ELF2: variants seen among roughly 807,000 people sequenced by gnomAD.
ELF2 encodes the protein ETS-related transcription factor Elf-2.
Under a neutral mutation model 54.8 loss-of-function variants are expected in ELF2, and 11 were observed. That is an observed-to-expected ratio of 0.20 (90% CI 0.13 to 0.33). The LOEUF (loss-of-function observed/expected upper bound fraction) is 0.33. ELF2 is among the 10% of genes least tolerant of loss of function. The pLI is 1.00. For missense variants in ELF2, 513 were observed against 703.0 expected, an observed-to-expected ratio of 0.73 and a Z score of 3.06; for synonymous variants, 203 against 245.1, an observed-to-expected ratio of 0.83 and a Z score of 1.61.
intron 4 of ELF2, among the ~76,000 whole-genome samples, chr4:139,124,544 CCTT>C (rs1401846987): frequency 3.9e-5 from 6 of 152,120 alleles, no homozygotes; most frequent in African/African-American, 1.4e-4. Flanking sequence ...TCACTACAAT[CCTT>C]CTGATAAAAT....
At chr4:139,177,861 ACTC>A (rs1743135775), upstream of ELF2, among the ~76,000 whole-genome samples, 1 of 150,682 alleles carries the variant, frequency 6.6e-6, no homozygotes, top group Non-Finnish European at 1.5e-5. Flanking sequence ...TTTTGCAAAA[ACTC>A]CTAGCCCGGT....
chr4:139,120,049 C>T (rs1560833432), intron 4 of ELF2, among the ~76,000 whole-genome samples: 1 of 152,186 alleles, frequency 6.6e-6, no homozygotes, highest in African/African-American at 2.4e-5. Flanking sequence ...GCTGGGATTA[C>T]AGGCATGAGC....
chr4:139,081,747 T>C (rs1231596907), intron 4 of ELF2, among the ~76,000 whole-genome samples: 2 of 152,194 alleles, frequency 1.3e-5, no homozygotes, highest in African/African-American at 4.8e-5. Context: ...TTCTGGGCCA[T>C]CTTTCCTCCC....
intron 9 of ELF2, 133 bp downstream of exon 9, chr4:139,060,191 T>A (rs1727625682): frequency 1.3e-6 from 1 of 787,012 alleles, no homozygotes; most frequent in Non-Finnish European, 2.0e-6. Context: ...AATTAAAACA[T>A]CAAGCACTTT....
chr4:139,141,232 C>T (rs1738666942), intron 1 of ELF2, among the ~76,000 whole-genome samples: 2 of 152,164 alleles, frequency 1.3e-5, no homozygotes, highest in Admixed American at 6.5e-5. Context: ...ATCCTTCTAT[C>T]TTGACTAATA....
intron 4 of ELF2, chr4:139,116,577 TA>T: frequency 1.3e-6 from 1 of 743,918 alleles, no homozygotes; most frequent in Non-Finnish European, 1.6e-6. Context: ...AAAAATATGG[TA>T]AAGGTAGATG....
Position 139,115,246 on chromosome 4 carries a change from C to G in ELF2, c.238+9918G>C, listed in dbSNP as rs1386618176. On this transcript the variant is annotated intron_variant, in intron 4 of 9. Transcript: ENST00000686138. ...CCTCACTGGGCCCTCATCGTCCGCG[C>G]CGCCCGGGCCCTCTCCTGCGGTCCC... 5 of 1,609,412 alleles carry G rather than the reference C, an allele frequency of 3.1e-6. No individual in the cohort carries two copies. The African/African-American group carries it at 5.4e-5, about 17-fold the overall frequency.
intron 7 of ELF2, chr4:139,066,451 T>C (rs1208150569): frequency 6.6e-6 from 1 of 151,462 alleles, no homozygotes; most frequent in Non-Finnish European, 1.5e-5. Flanking sequence ...CTACAAAAGA[T>C]TTTAAAATTA....
At chr4:139,064,180 T>C (rs1258630579) in intron 7 of ELF2, among the ~76,000 whole-genome samples, 1 of 152,062 alleles carries the variant, frequency 6.6e-6, no homozygotes, top group Non-Finnish European at 1.5e-5. Context: ...TGATGGCGGG[T>C]GCCTGTAATC....
intron 8 of ELF2, among the ~76,000 whole-genome samples, chr4:139,061,454 C>T (rs1578655752): frequency 6.6e-6 from 1 of 152,222 alleles, no homozygotes; most frequent in East Asian, 1.9e-4. Context: ...GCATTATAGG[C>T]GTGAGCCACC....
intron 4 of ELF2, among the ~76,000 whole-genome samples, chr4:139,096,114 T>C (rs146018266): frequency 6.6e-6 from 1 of 151,944 alleles, no homozygotes; most frequent in East Asian, 1.9e-4. Flanking sequence ...CTGTCATACA[T>C]ACAAAAAAAG....
At chr4:139,162,828 G>A (rs1163782804) in intron 1 of ELF2, among the ~76,000 whole-genome samples, 1 of 152,196 alleles carries the variant, frequency 6.6e-6, no homozygotes, top group African/African-American at 2.4e-5. Context: ...TAGGCATAGT[G>A]GCTCACACCT....
chr4:139,102,989 C>T (rs1241397785), intron 4 of ELF2, among the ~76,000 whole-genome samples: 3 of 152,256 alleles, frequency 2.0e-5, no homozygotes, highest in East Asian at 1.9e-4. Context: ...AGCAATCTGC[C>T]CACCTCAGCC....
intron 8 of ELF2, among the ~76,000 whole-genome samples, chr4:139,061,550 AAACT>A (rs1483305767): frequency 3.9e-5 from 6 of 152,204 alleles, no homozygotes; most frequent in Non-Finnish European, 7.3e-5. Flanking sequence ...ACTAAAAAAC[AAACT>A]AACTTTAGGA....
At chr4:139,078,493 T>C (rs561742408) in intron 4 of ELF2, among the ~76,000 whole-genome samples, 1 of 151,656 alleles carries the variant, frequency 6.6e-6, no homozygotes, top group South Asian at 2.1e-4. Context: ...TCTGGAATAC[T>C]CCATCTTCAC....
At chr4:139,103,416 AG>A (rs1734113239) in intron 4 of ELF2, among the ~76,000 whole-genome samples, 1 of 152,202 alleles carries the variant, frequency 6.6e-6, no homozygotes, top group African/African-American at 2.4e-5. Flanking sequence ...CTCGGGAAAC[AG>A]GGCTGAAGGT....
intron 1 of ELF2, among the ~76,000 whole-genome samples, chr4:139,149,731 A>G (rs562534110): frequency 2.6e-5 from 4 of 152,380 alleles, no homozygotes; most frequent in East Asian, 1.9e-4. Context: ...AAAGAAAATC[A>G]TAAAATTCCT....
At chr4:139,173,088 C>CA (rs887948840) in intron 1 of ELF2, among the ~76,000 whole-genome samples, 2 of 151,878 alleles carry the variant, frequency 1.3e-5, no homozygotes, top group African/African-American at 4.8e-5. Context: ...TGGATTAAGA[C>CA]AAAACCAATC....
chr4:139,093,090 T>C (rs1214546504), intron 4 of ELF2, among the ~76,000 whole-genome samples: 2 of 151,482 alleles, frequency 1.3e-5, no homozygotes, highest in Non-Finnish European at 2.9e-5. Context: ...CTCAGCCTTC[T>C]GAGTAGCTGG....
Sources: gnomAD v4.1 joint callset for allele counts (sites outside exome capture counted in the v4.1 genomes callset) on GRCh38, gnomAD v4.1.1 for gene constraint, MANE v1.5 for transcripts, NCBI Gene and HGNC (gene_info 2026-07-23, HGNC 2026-07-21) for gene names.